Variants in INPP4B observed in about 807,000 individuals in gnomAD.
INPP4B encodes the protein inositol polyphosphate 4-phosphatase type II.
Under a neutral mutation model 122.5 loss-of-function variants are expected in INPP4B, and 55 were observed. That is an observed-to-expected ratio of 0.45 (90% confidence interval 0.36 to 0.56). The LOEUF is 0.56. Ranked by LOEUF, INPP4B falls within the 20% of genes least tolerant of loss-of-function variation. The pLI, the probability that INPP4B is intolerant of heterozygous loss-of-function variation, is 0.00. For missense variants in INPP4B, 1,000 were observed against 1,097.7 expected, an observed-to-expected ratio of 0.91 and a Z score of 1.26; for synonymous variants, 403 against 388.7, an observed-to-expected ratio of 1.04 and a Z score of -0.43.
chr4:142,033,661 C>T (rs187005459), intron 25 of INPP4B, among the ~76,000 whole-genome samples: 57 of 131,434 alleles, frequency 4.3e-4, no homozygotes, highest in African/African-American at 1.5e-3. Context: ...AGTAAGTTCT[C>T]CATTTCATTT....
chr4:142,065,058 T>A (rs1762816832), intron 25 of INPP4B, among the ~76,000 whole-genome samples: 1 of 152,158 alleles, frequency 6.6e-6, no homozygotes, highest in African/African-American at 2.4e-5. Context: ...TAGGATATAG[T>A]GAATAGTTTA....
chr4:142,647,254 C>T (rs1235988298), intron 2 of INPP4B, among the ~76,000 whole-genome samples: 1 of 152,094 alleles, frequency 6.6e-6, no homozygotes, highest in Non-Finnish European at 1.5e-5. Context: ...TAGAGCAGGG[C>T]CTACTGGTTT....
chr4:142,491,024 C>T (rs1415948458), intron 2 of INPP4B, among the ~76,000 whole-genome samples: 1 of 152,084 alleles, frequency 6.6e-6, no homozygotes, highest in Admixed American at 6.6e-5. Context: ...CTGCAATGAA[C>T]ATGGCAGTGC....
intron 18 of INPP4B, among the ~76,000 whole-genome samples, chr4:142,134,906 A>G (rs956945849): frequency 5.9e-5 from 9 of 151,690 alleles, no homozygotes; most frequent in Admixed American, 5.9e-4. Flanking sequence ...ATTCATATGT[A>G]GGAATTTATG....
intron 7 of INPP4B, among the ~76,000 whole-genome samples, chr4:142,363,021 G>A (rs1056728957): frequency 6.6e-5 from 10 of 152,062 alleles, no homozygotes; most frequent in Admixed American, 6.6e-4. Flanking sequence ...TAATGTGGAG[G>A]GGTAAAAGTA....
intron 7 of INPP4B, among the ~76,000 whole-genome samples, chr4:142,356,769 T>C (rs113137670): frequency 2.6e-3 from 389 of 151,988 alleles, no homozygotes; most frequent in African/African-American, 9.1e-3. Flanking sequence ...TTTATTCTAA[T>C]GAGGTGACTC....
intron 2 of INPP4B, among the ~76,000 whole-genome samples, chr4:142,697,910 A>G (rs556402285): frequency 6.6e-6 from 1 of 152,322 alleles, no homozygotes; most frequent in East Asian, 1.9e-4. Flanking sequence ...TTATCAGATA[A>G]ACTCAGAGTT....
intron 10 of INPP4B, among the ~76,000 whole-genome samples, chr4:142,268,159 T>C (rs1164913111): frequency 6.7e-6 from 1 of 150,204 alleles, no homozygotes. Flanking sequence ...CCGTCTCTAC[T>C]AAAGATACAA....
At chr4:142,770,899 C>A (rs918572703) in intron 1 of INPP4B, among the ~76,000 whole-genome samples, 1 of 152,116 alleles carries the variant, frequency 6.6e-6, no homozygotes, top group Non-Finnish European at 1.5e-5. Context: ...GTCTAGACAG[C>A]AAGGCAGATT....
At chr4:142,242,694 A>T (rs898983581) in intron 11 of INPP4B, among the ~76,000 whole-genome samples, 2 of 152,164 alleles carry the variant, frequency 1.3e-5, no homozygotes, top group African/African-American at 4.8e-5. Context: ...ACATGTAATC[A>T]TCCTATAAAC....
intron 7 of INPP4B, among the ~76,000 whole-genome samples, chr4:142,377,352 G>T (rs1042972918): frequency 1.3e-5 from 2 of 151,860 alleles, no homozygotes; most frequent in African/African-American, 4.8e-5. Flanking sequence ...CTTATCTGCT[G>T]CTTTTACCTT....
At chr4:142,191,939 A>G (rs1168820012) in intron 15 of INPP4B, among the ~76,000 whole-genome samples, 1 of 152,172 alleles carries the variant, frequency 6.6e-6, no homozygotes, top group Admixed American at 6.6e-5. Context: ...TAGTAAGTCA[A>G]TTATTCAATT....
chr4:142,334,434 T>C (rs955196848), intron 7 of INPP4B, among the ~76,000 whole-genome samples: 3 of 152,144 alleles, frequency 2.0e-5, no homozygotes, highest in African/African-American at 7.2e-5. Flanking sequence ...GAGATCTCCT[T>C]GAGATACTGA....
intron 9 of INPP4B, among the ~76,000 whole-genome samples, chr4:142,301,651 A>C (rs1003936062): frequency 6.6e-6 from 1 of 152,206 alleles, no homozygotes; most frequent in African/African-American, 2.4e-5. Context: ...CATAACTGGT[A>C]ACATCAATGG....
chr4:142,158,867 C>T (rs1818593450), intron 17 of INPP4B, among the ~76,000 whole-genome samples: 1 of 151,906 alleles, frequency 6.6e-6, no homozygotes, highest in Non-Finnish European at 1.5e-5. Flanking sequence ...AAGATTCTCA[C>T]TTGATTTAAT....
At position 142,105,111 on chromosome 4, in the gene INPP4B, G is replaced by T. The variant is rs28523591; in HGVS notation, c.2374+2982C>A. ...CCCAGTTCTAGATCCCATGAATTCC[G>T]CAAAAGAAAGACAGACACAGAGGCC... On this transcript the variant is annotated intron_variant, in intron 23 of 25. Transcript: ENST00000262992. Among the ~76,000 whole-genome samples, 3 of 152,096 alleles carry T rather than the reference G, an allele frequency of 2.0e-5. No homozygotes were observed. In the South Asian group the frequency reaches 6.2e-4, roughly 32 times the overall value.
intron 11 of INPP4B, among the ~76,000 whole-genome samples, chr4:142,252,467 C>T (rs1049274867): frequency 7.9e-5 from 12 of 152,054 alleles, no homozygotes; most frequent in African/African-American, 1.2e-4. Context: ...GGATTACAGG[C>T]GTGAGCCACC....
chr4:142,783,552 C>T (rs1775236247), intron 1 of INPP4B, among the ~76,000 whole-genome samples: 1 of 152,124 alleles, frequency 6.6e-6, no homozygotes, highest in Non-Finnish European at 1.5e-5. Flanking sequence ...CCTTTCCCCT[C>T]TTCTCTCTTA....
At chr4:142,029,455 C>T in intron 25 of INPP4B, 1 of 986,008 alleles carries the variant, frequency 1.0e-6, no homozygotes, top group South Asian at 4.7e-5. Context: ...AGGAAGAGTG[C>T]TTGTCCACGG....
Sources: gnomAD v4.1 joint callset for allele counts (sites outside exome capture counted in the v4.1 genomes callset) on GRCh38, gnomAD v4.1.1 for gene constraint, MANE v1.5 for transcripts, NCBI Gene and HGNC (gene_info 2026-07-23, HGNC 2026-07-21) for gene names.